Variants in ZZEF1 observed in about 807,000 individuals in gnomAD.
ZZEF1 encodes zinc finger ZZ-type and EF-hand domain-containing protein 1.
In ZZEF1, 157 loss-of-function variants were observed where a neutral mutation model predicts 342.8. The observed-to-expected ratio is 0.46, with a 90% confidence interval of 0.40 to 0.52. ZZEF1 has a LOEUF of 0.52. Ranked by LOEUF, ZZEF1 falls within the 20% of genes least tolerant of loss-of-function variation. ZZEF1 has a pLI of 0.00. For missense variants in ZZEF1, 3,480 were observed against 3,725.6 expected, an observed-to-expected ratio of 0.93 and a Z score of 1.72; for synonymous variants, 1,505 against 1,429.1, an observed-to-expected ratio of 1.05 and a Z score of -1.20.
intron 42 of ZZEF1, among the ~76,000 whole-genome samples, chr17:4,026,884 C>T (rs764780044): frequency 6.6e-6 from 1 of 151,972 alleles, no homozygotes; most frequent in Non-Finnish European, 1.5e-5. Context: ...GAATTTTTTA[C>T]CTGGCAAAAT....
rs570840413 is a variant in ZZEF1 at position 4,141,071 on chromosome 17, G to A, written c.354+1471C>T. Among the ~76,000 whole-genome samples the A allele has an allele frequency of 7.0e-4, 107 of 152,264 alleles. 1 individual carries two copies. The highest frequency in any genetic ancestry group is 2.5e-3 in the African/African-American group (105 of 41,536). On this transcript the variant is annotated intron_variant, in intron 1 of 54. Coordinates refer to ENST00000381638, the MANE Select transcript of ZZEF1 (RefSeq NM_015113.4). ...TTACAGGCACCCGCCACCATGCCCAGCTAATTTTTGTATTTTTAGTAGAGG... is the reference window on the plus strand; with the variant it reads ...TTACAGGCACCCGCCACCATGCCCAACTAATTTTTGTATTTTTAGTAGAGG...
chr17:4,119,916 C>T (rs1168343751), intron 2 of ZZEF1, among the ~76,000 whole-genome samples: 1 of 152,178 alleles, frequency 6.6e-6, no homozygotes, highest in South Asian at 2.1e-4. Context: ...ATTTATTCTG[C>T]ACAACTCTCT....
rs1567816639 is a variant in ZZEF1, at chr17:4,074,156, C to A, written c.3679G>T (p.Val1227Leu). The A allele has an allele frequency of 6.2e-7, 1 of 1,613,820 alleles. No individual in the cohort carries two copies. The highest frequency in any genetic ancestry group is 1.7e-5 in the Admixed American group (1 of 60,016). ...CACAGGGATGTGCACTTACGGCGCA[C>A]AGACTTGAGCGCCATGCACTGGGAA... ...LASQCMALKS[V>L]RQLGSNMVVP... is the part of the protein sequence containing the mutation. The change falls in exon 24 of 55, where the codon GTG becomes TTG. Residue 1227 changes from valine to leucine, a missense_variant. Coordinates refer to ENST00000381638, the MANE Select transcript of ZZEF1 (RefSeq NM_015113.4).
At position 4,070,897 on chromosome 17, in the gene ZZEF1, G is replaced by A. The variant is rs150178512; in HGVS notation, c.3862C>T (p.Arg1288Cys). The part of the protein sequence containing the change: ...EVKNIPDDPC[R>C]HFLLDFAQSE... ...TGGGCAAAATCAAGAAGAAAATGGC[G>A]GCAGGGGTCGTCAGGAATGTTCTTA... The change falls in exon 26 of 55, where the codon CGC (arginine) becomes TGC (cysteine). Residue 1288 changes from arginine (R) to cysteine (C), a missense_variant. By Grantham distance (180) the Arg-to-Cys change is radical (BLOSUM62 -3). Around this residue, in one of 5 missense-constraint regions of ZZEF1, gnomAD observed 1,528 missense variants for 1,624.1 expected, o/e 0.94. Transcript: ENST00000381638. 143 of 1,613,856 alleles carry A rather than the reference G, an allele frequency of 8.9e-5. No individual in the cohort carries two copies. The East Asian group carries it at 1.9e-3, about 22-fold the overall frequency.
Position 4,014,143 on chromosome 17 carries a change from T to C in ZZEF1, c.8360A>G (p.Glu2787Gly). Reference protein sequence around the residue: ...YRFTSDMSNTEWGYRFTVTAG... With the variant: ...YRFTSDMSNTGWGYRFTVTAG... ...CGTCACGGTGAATCTGTAGCCCCAC[T>C]CGGTGTTGCTCATGTCGGAGGTGAA... Residue 2787 changes from glutamate to glycine, a missense_variant, in exon 51 of 55, where the codon GAG (glutamate) becomes GGG (glycine). Physicochemically the swap from Glu to Gly is moderately conservative, Grantham distance 98. This residue lies in a region of ZZEF1 where 1,269 missense variants were observed against 1,342.4 expected (regional missense o/e 0.95). Coordinates refer to ENST00000381638, the MANE Select transcript of ZZEF1 (RefSeq NM_015113.4). The surrounding 1 kb of genome is among the most constrained non-coding windows in gnomAD (Gnocchi z 4.4). 6.2e-7 allele frequency: 1 copy of C among 1,614,094 alleles called. No individual in the cohort carries two copies. The highest frequency in any genetic ancestry group is 8.5e-7 in the Non-Finnish European group (1 of 1,180,012).
chr17:4,037,972 A>G (rs2056712412), intron 39 of ZZEF1, among the ~76,000 whole-genome samples: 2 of 152,200 alleles, frequency 1.3e-5, no homozygotes, highest in South Asian at 2.1e-4. Context: ...GATGGCAGCA[A>G]TGTACTGATG....
At chr17:4,024,841 C>G in intron 43 of ZZEF1, 78 bp downstream of exon 43, 4 of 1,362,358 alleles carry the variant, frequency 2.9e-6, no homozygotes, top group Non-Finnish European at 4.2e-6. Flanking sequence ...AATCAGATGG[C>G]ATTTCCTCCT....
At chr17:4,122,173 GTAT>G (rs1389383168) in intron 2 of ZZEF1, among the ~76,000 whole-genome samples, 1 of 152,092 alleles carries the variant, frequency 6.6e-6, no homozygotes. Flanking sequence ...GTGACCCTAA[GTAT>G]TATGACACCA....
At chr17:4,129,149 G>C (rs2058624699) in intron 1 of ZZEF1, among the ~76,000 whole-genome samples, 1 of 152,150 alleles carries the variant, frequency 6.6e-6, no homozygotes, top group Non-Finnish European at 1.5e-5. Context: ...GTATAATTCA[G>C]TAGGTCTTAG....
intron 37 of ZZEF1, among the ~76,000 whole-genome samples, chr17:4,047,426 C>T (rs1482169120): frequency 6.6e-6 from 1 of 152,128 alleles, no homozygotes; most frequent in Non-Finnish European, 1.5e-5. Context: ...AGATGGATTG[C>T]TTGAGTCCAG....
chr17:4,081,215 T>G (rs2057717339), intron 18 of ZZEF1, among the ~76,000 whole-genome samples, 161 bp downstream of exon 18: 1 of 151,926 alleles, frequency 6.6e-6, no homozygotes, highest in South Asian at 2.1e-4. Context: ...CCAGCCCGGG[T>G]GACAGAGCAA....
intron 9 of ZZEF1, among the ~76,000 whole-genome samples, chr17:4,100,649 C>T (rs1384549883): frequency 3.3e-5 from 5 of 152,098 alleles, no homozygotes; most frequent in Admixed American, 6.5e-5. Flanking sequence ...TCCTGGCTAA[C>T]GTGGTGAAAC....
Position 4,054,139 on chromosome 17 carries a change from A to G in ZZEF1, c.5352T>C (p.Asp1784=), listed in dbSNP as rs2057107509. The change falls in exon 34 of 55, where the codon GAT becomes GAC. Residue 1784 remains aspartate (D), a synonymous_variant. Transcript: ENST00000381638. ...CDLLNVDISC[D]GCDEIAPWHR... is the part of the protein sequence containing the mutation. ...GCCAGGGGGCAATCTCATCACACCC[A>G]TCACAAGAGATGTCCACATTTAACA... 6.2e-7 allele frequency: 1 copy of G among 1,614,036 alleles called. No individual in the cohort carries two copies. The highest frequency in any genetic ancestry group is 8.5e-7 in the Non-Finnish European group (1 of 1,179,950).
At chr17:4,048,804 C>A (rs1597810495) in intron 37 of ZZEF1, among the ~76,000 whole-genome samples, 1 of 152,056 alleles carries the variant, frequency 6.6e-6, no homozygotes, top group African/African-American at 2.4e-5. Flanking sequence ...ACCTCCGCCT[C>A]CCGGGTTCAA....
At position 4,090,549 on chromosome 17, in the gene ZZEF1, C is replaced by T. The variant is rs554588034; in HGVS notation, c.2025+170G>A. Reference sequence around the variant, plus strand: ...CAGCTCTCTGTCTCTCCTTTTATCACAGCTCGTATCACACTGTCTTACACA... The same window carrying T: ...CAGCTCTCTGTCTCTCCTTTTATCATAGCTCGTATCACACTGTCTTACACA... On this transcript the variant is annotated intron_variant, in intron 12 of 54. Transcript: ENST00000381638. 1.4e-4 allele frequency among the ~76,000 whole-genome samples: 21 copies of T among 152,348 alleles called. No individual in the cohort carries two copies. In the South Asian group the frequency reaches 3.3e-3, roughly 24 times the overall value.
intron 46 of ZZEF1, 36 bp downstream of exon 46, chr17:4,019,633 C>G (rs1040007473): frequency 6.3e-7 from 1 of 1,588,320 alleles, no homozygotes; most frequent in African/African-American, 1.3e-5. Context: ...TATTCTCTCC[C>G]TGGCCACACT....
chr17:4,015,875 G>GATGGAAAAGATGAGAC (rs1407915876), intron 49 of ZZEF1, among the ~76,000 whole-genome samples: 6 of 152,322 alleles, frequency 3.9e-5, no homozygotes, highest in African/African-American at 1.4e-4. Flanking sequence ...CAAAGTTAAG[G>GATGGAAAAGATGAGAC]ATGGAAAAGA....
intron 10 of ZZEF1, among the ~76,000 whole-genome samples, chr17:4,096,271 A>C (rs1003350546): frequency 5.9e-5 from 9 of 152,188 alleles, no homozygotes; most frequent in Non-Finnish European, 1.3e-4. Context: ...TGTTCAATGA[A>C]TAACCAATGA....
intron 10 of ZZEF1, 46 bp downstream of exon 10, chr17:4,096,563 A>G (rs772610192): frequency 6.4e-7 from 1 of 1,564,266 alleles, no homozygotes; most frequent in Non-Finnish European, 8.8e-7. Context: ...TAAAAATTGA[A>G]AACAAAAGTA....
Sources: gnomAD v4.1 joint callset for allele counts (sites outside exome capture counted in the v4.1 genomes callset) on GRCh38, gnomAD v4.1.1 for gene constraint, gnomAD v4.1.1 regional missense constraint, Gnocchi (gnomAD v3.1) non-coding constraint, MANE v1.5 for transcripts, NCBI Gene and HGNC (gene_info 2026-07-23, HGNC 2026-07-21) for gene names.